The following STXBP4 variants were observed in gnomAD, a reference collection of about 807,000 sequenced individuals.
STXBP4 encodes syntaxin binding protein 4.
In STXBP4, 55 loss-of-function variants were observed where a neutral mutation model predicts 76.1. The ratio of observed to expected loss-of-function variants is 0.72; its 90% CI spans 0.58 to 0.91. The LOEUF (loss-of-function observed/expected upper bound fraction) is 0.91, where lower values mean the gene tolerates loss of function less well. Ranked by LOEUF, STXBP4 falls within the 40% of genes least tolerant of loss-of-function variation. The pLI, the probability that STXBP4 is intolerant of heterozygous loss-of-function variation, is 0.00. For missense variants in STXBP4, 618 were observed against 636.9 expected, an observed-to-expected ratio of 0.97 and a Z score of 0.32; for synonymous variants, 201 against 220.2, an observed-to-expected ratio of 0.91 and a Z score of 0.77.
At chr17:55,108,299 G>A (rs774518093) in intron 16 of STXBP4, among the ~76,000 whole-genome samples, 1 of 152,176 alleles carries the variant, frequency 6.6e-6, no homozygotes, top group African/African-American at 2.4e-5. Flanking sequence ...AGACTGCTGG[G>A]CTGGCAGCAA....
At chr17:55,189,723 CA>C in the STXBP4 span, among the ~76,000 whole-genome samples, 1 of 152,170 alleles carries the variant, frequency 6.6e-6, no homozygotes, top group African/African-American at 2.4e-5. Flanking sequence ...CCTATTCAAA[CA>C]AGATTACGCT....
At chr17:55,025,236 A>G (rs901142410) in intron 8 of STXBP4, among the ~76,000 whole-genome samples, 7 of 152,186 alleles carry the variant, frequency 4.6e-5, no homozygotes, top group African/African-American at 1.2e-4. Context: ...AATACTATGA[A>G]TAATTATATG....
intron 8 of STXBP4, among the ~76,000 whole-genome samples, chr17:55,029,570 T>G (rs993464432): frequency 6.6e-6 from 1 of 151,506 alleles, no homozygotes; most frequent in African/African-American, 2.4e-5. Context: ...AAAATCATTA[T>G]GCCATGTTAT....
At chr17:55,210,430 A>G in the STXBP4 span, among the ~76,000 whole-genome samples, 1 of 152,214 alleles carries the variant, frequency 6.6e-6, no homozygotes, top group African/African-American at 2.4e-5. Context: ...ATTAGGCCTC[A>G]GAAGGAGGGA....
intron 1 of STXBP4, among the ~76,000 whole-genome samples, chr17:54,976,909 C>T (rs1056847202): frequency 6.6e-6 from 1 of 152,120 alleles, no homozygotes; most frequent in African/African-American, 2.4e-5. Context: ...TCACTTGCTA[C>T]CTGTTGACCA....
At chr17:55,144,523 G>A (rs552634344) in intron 17 of STXBP4, among the ~76,000 whole-genome samples, 2 of 152,290 alleles carry the variant, frequency 1.3e-5, no homozygotes, top group South Asian at 2.1e-4. Flanking sequence ...TAGAGACACA[G>A]CTGTCATCTC....
At chr17:55,084,198 T>C (rs954461926) in intron 16 of STXBP4, among the ~76,000 whole-genome samples, 6 of 152,142 alleles carry the variant, frequency 3.9e-5, no homozygotes, top group African/African-American at 1.4e-4. Context: ...TGGTATCTCA[T>C]TGTGGTTTTG....
intron 16 of STXBP4, among the ~76,000 whole-genome samples, chr17:55,087,494 T>C (rs1211172964): frequency 6.6e-6 from 1 of 152,176 alleles, no homozygotes; most frequent in Non-Finnish European, 1.5e-5. Flanking sequence ...CAGTACCGTT[T>C]GTTGAAGAGA....
rs534694735 is a variant in STXBP4, at chr17:55,046,995, A to G, written c.946-94A>G. On this transcript the variant is annotated intron_variant, in intron 11 of 17. Transcript: ENST00000376352. Reference sequence around the variant, plus strand: ...TATTTTCAGATTGTAGCAATTTGATATTTGGGAATATAGGCCTTGAAACAA... The same window carrying G: ...TATTTTCAGATTGTAGCAATTTGATGTTTGGGAATATAGGCCTTGAAACAA... 17 of 640,798 alleles carry G rather than the reference A, an allele frequency of 2.7e-5. No homozygotes were observed. The South Asian group carries it at 4.0e-4, about 15-fold the overall frequency. The allele number at this position is 640,798 out of a possible 1,614,324, so 39.7% of individuals were successfully genotyped here.
Position 55,167,020 on chromosome 17 carries a change from C to G in STXBP4, c.*7109C>G, listed in dbSNP as rs1473536223. ...AAAACAGAATACTGGCCAGGATGGT[C>G]TGTTGTTTCTTATCTGTTGTTGGCT... On this transcript the variant is annotated 3_prime_UTR_variant, in exon 18 of 18. Coordinates refer to ENST00000376352, the MANE Select transcript of STXBP4 (RefSeq NM_178509.6). 2.0e-5 allele frequency: 3 copies of G among 152,126 alleles called. No homozygotes were observed. Among genetic ancestry groups the G allele is most frequent in the Non-Finnish European group, 2.9e-5 (2 of 68,018 alleles). The allele number at this position is 152,126 out of a possible 1,614,324, so 9.4% of individuals were successfully genotyped here. A position where few individuals can be genotyped will look rare whatever the true frequency, so the allele number is the denominator to read the frequency against.
intron 3 of STXBP4, among the ~76,000 whole-genome samples, chr17:54,987,531 G>A (rs1193093651): frequency 2.6e-5 from 4 of 151,934 alleles, no homozygotes; most frequent in African/African-American, 9.7e-5. Context: ...ACTTGTTTTT[G>A]TTATATTCCT....
At chr17:55,078,024 AGTAATGTAAAACT>A in intron 13 of STXBP4, 41 bp from the exon 14 acceptor site, 4 of 1,063,594 alleles carry the variant, frequency 3.8e-6, no homozygotes, top group Middle Eastern at 2.1e-4. Context: ...AATAGGGACC[AGTAATGTAAAACT>A]GAAGAAATGT....
intron 3 of STXBP4, among the ~76,000 whole-genome samples, chr17:54,989,422 T>A (rs1047652879): frequency 3.3e-5 from 5 of 152,112 alleles, no homozygotes; most frequent in African/African-American, 1.2e-4. Context: ...TAATAGTAGT[T>A]TCAGTTATTC....
chr17:55,097,076 C>A (rs1363479896), intron 16 of STXBP4, among the ~76,000 whole-genome samples: 1 of 152,044 alleles, frequency 6.6e-6, no homozygotes, highest in Non-Finnish European at 1.5e-5. Flanking sequence ...AAATGTGAGA[C>A]CTTATCCAAC....
intron 16 of STXBP4, among the ~76,000 whole-genome samples, chr17:55,129,518 A>T (rs1033965688): frequency 2.0e-5 from 3 of 152,100 alleles, no homozygotes; most frequent in African/African-American, 7.2e-5. Flanking sequence ...CCTTGAGCCC[A>T]GGAGTTTGAG....
At chr17:54,971,165 A>G (rs374222065) in intron 1 of STXBP4, among the ~76,000 whole-genome samples, 1 of 152,240 alleles carries the variant, frequency 6.6e-6, no homozygotes, top group Admixed American at 6.5e-5. Flanking sequence ...TTATCTGCAT[A>G]CTTACTTGTT....
At chr17:55,173,837 G>A (rs1176177513), downstream of STXBP4, among the ~76,000 whole-genome samples, 1 of 152,210 alleles carries the variant, frequency 6.6e-6, no homozygotes, top group African/African-American at 2.4e-5. Context: ...ATTATCAGCA[G>A]GGTTGTATTT....
chr17:55,025,655 A>G (rs1443366107), intron 8 of STXBP4, among the ~76,000 whole-genome samples: 1 of 152,210 alleles, frequency 6.6e-6, no homozygotes, highest in East Asian at 1.9e-4. Context: ...CAAAAAGAAC[A>G]TTTATGTAAG....
rs568245035 is a variant in STXBP4 at position 55,171,236 on chromosome 17, C to T, written c.*11325C>T. 6.6e-6 allele frequency: 1 copy of T among 152,224 alleles called. No homozygotes were observed. The highest frequency in any genetic ancestry group is 2.4e-5 in the African/African-American group (1 of 41,532). 9.4% of individuals were successfully genotyped at this position (152,224 alleles called of 1,614,324 possible). A position where few individuals can be genotyped will look rare whatever the true frequency, so the allele number is the denominator to read the frequency against. ...CTCTACCACAAAACATCAGGTGTGC[C>T]TCTGAATAGTCTTTGCAAGAAGCAC... On this transcript the variant is annotated 3_prime_UTR_variant, in exon 18 of 18. Coordinates refer to ENST00000376352, the MANE Select transcript of STXBP4 (RefSeq NM_178509.6).
Sources: gnomAD v4.1 joint callset for allele counts (sites outside exome capture counted in the v4.1 genomes callset) on GRCh38, gnomAD v4.1.1 for gene constraint, MANE v1.5 for transcripts, NCBI Gene and HGNC (gene_info 2026-07-23, HGNC 2026-07-21) for gene names.